Variants in SYNE1 observed in about 807,000 individuals in gnomAD.
SYNE1 encodes nesprin-1.
In SYNE1, 616 loss-of-function variants were observed where a neutral mutation model predicts 1,111.0. The ratio of observed to expected loss-of-function variants is 0.55; its 90% CI spans 0.52 to 0.59. SYNE1 has a LOEUF of 0.59. Ranked by LOEUF, SYNE1 falls within the 20% of genes least tolerant of loss-of-function variation. SYNE1 has a pLI of 0.00. For missense variants in SYNE1, 10,006 were observed against 10,417.0 expected, an observed-to-expected ratio of 0.96 and a Z score of 1.72; for synonymous variants, 3,855 against 3,825.8, an observed-to-expected ratio of 1.01 and a Z score of -0.28.
chr6:152,355,504 G>A (rs2096821542), intron 66 of SYNE1, among the ~76,000 whole-genome samples: 1 of 152,142 alleles, frequency 6.6e-6, no homozygotes, highest in Non-Finnish European at 1.5e-5. Flanking sequence ...ACAAACTTGG[G>A]AAATTGGTTC....
At chr6:152,400,766 C>T (rs564797552) in intron 47 of SYNE1, among the ~76,000 whole-genome samples, 1 of 151,998 alleles carries the variant, frequency 6.6e-6, no homozygotes, top group Admixed American at 6.5e-5. Flanking sequence ...TCACAGTGAC[C>T]AATAAATATA....
intron 74 of SYNE1, 59 bp from the exon 75 acceptor site, chr6:152,339,425 T>C: frequency 2.5e-6 from 4 of 1,599,382 alleles, no homozygotes; most frequent in Non-Finnish European, 1.7e-6. Flanking sequence ...TAGCAAATAC[T>C]TGTATCATTT....
intron 3 of SYNE1, among the ~76,000 whole-genome samples, chr6:152,541,084 T>C (rs78328250): frequency 0.022 from 3,389 of 152,302 alleles, 151 homozygotes; most frequent in African/African-American, 0.077. Context: ...TACTTTGCTA[T>C]GTAACAAGAG....
At chr6:152,169,123 A>T (rs1444243882) in intron 130 of SYNE1, among the ~76,000 whole-genome samples, 1 of 152,072 alleles carries the variant, frequency 6.6e-6, no homozygotes, top group Admixed American at 6.5e-5. Flanking sequence ...ACAAATAAAT[A>T]ATAAATATTA....
At chr6:152,306,313 C>T (rs2095370981) in intron 91 of SYNE1, among the ~76,000 whole-genome samples, 1 of 151,890 alleles carries the variant, frequency 6.6e-6, no homozygotes. Context: ...TGGTGAAACC[C>T]CGTCTCTACT....
At chr6:152,480,447 G>T (rs565902343) in intron 14 of SYNE1, among the ~76,000 whole-genome samples, 2 of 152,154 alleles carry the variant, frequency 1.3e-5, no homozygotes, top group African/African-American at 4.8e-5. Context: ...CTTGAACCTG[G>T]GAAGAAGAGG....
intron 3 of SYNE1, among the ~76,000 whole-genome samples, chr6:152,585,051 T>C (rs2099533185): frequency 6.6e-6 from 1 of 152,122 alleles, no homozygotes. Flanking sequence ...AATTTAATCA[T>C]AGGGGTGGTT....
intron 42 of SYNE1, among the ~76,000 whole-genome samples, chr6:152,413,012 C>T (rs2098091258): frequency 1.3e-5 from 2 of 151,962 alleles, no homozygotes; most frequent in South Asian, 2.1e-4. Context: ...CTACCACACT[C>T]GGCAAATTTT....
At chr6:152,621,906 G>T (rs948671669) in intron 3 of SYNE1, among the ~76,000 whole-genome samples, 2 of 152,058 alleles carry the variant, frequency 1.3e-5, no homozygotes, top group South Asian at 2.1e-4. Flanking sequence ...AAAACCACTC[G>T]ATTAAAACAA....
At chr6:152,514,399 G>T (rs1006898777) in intron 6 of SYNE1, among the ~76,000 whole-genome samples, 2 of 152,142 alleles carry the variant, frequency 1.3e-5, no homozygotes, top group South Asian at 2.1e-4. Context: ...AGCTCTGCAT[G>T]TTCTCACTCA....
chr6:152,176,603 T>G, intron 129 of SYNE1, 43 bp from the exon 130 acceptor site: 1 of 1,583,818 alleles, frequency 6.3e-7, no homozygotes, highest in South Asian at 1.1e-5. Context: ...AAGCATATTC[T>G]TAATACATCC....
rs529283992 is a variant in SYNE1, at chr6:152,314,884, T to C, written c.16710+1965A>G. 6.9e-4 allele frequency among the ~76,000 whole-genome samples: 98 copies of C among 142,584 alleles called. 3 individuals are homozygous for C. In the East Asian group the frequency reaches 0.021, roughly 31 times the overall value. 93.5% of individuals were successfully genotyped at this position (142,584 alleles called of 152,430 possible). On this transcript the variant is annotated intron_variant, in intron 87 of 145. Coordinates refer to ENST00000367255, the MANE Select transcript of SYNE1 (RefSeq NM_182961.4). ...AAGATTCACTTGAACCTGCCCAGGC[T>C]GTAGCTCAGTGGCGTGATCTCGGCT... is the stretch of plus-strand genomic sequence containing the variant.
At chr6:152,347,004 G>T (rs2096649143) in intron 73 of SYNE1, 55 bp downstream of exon 73, 4 of 1,601,746 alleles carry the variant, frequency 2.5e-6, no homozygotes, top group Non-Finnish European at 3.4e-6. Context: ...TCTCTAGACT[G>T]CACAGCCTCT....
intron 100 of SYNE1, among the ~76,000 whole-genome samples, chr6:152,265,193 A>T (rs1435037309): frequency 1.3e-5 from 2 of 148,390 alleles, no homozygotes; most frequent in Non-Finnish European, 3.0e-5. Flanking sequence ...GCAACGCAGC[A>T]AGACTCTGTC....
chr6:152,164,650 C>G (rs1443343346), intron 130 of SYNE1, among the ~76,000 whole-genome samples: 1 of 152,168 alleles, frequency 6.6e-6, no homozygotes, highest in Middle Eastern at 3.2e-3. Context: ...TCCATTACTA[C>G]CTACTTACAG....
intron 11 of SYNE1, 67 bp downstream of exon 11, chr6:152,498,675 G>T: frequency 9.0e-7 from 1 of 1,116,324 alleles, no homozygotes; most frequent in Non-Finnish European, 1.3e-6. Flanking sequence ...GCAAGGGAAT[G>T]ACTAAAATGC....
At chr6:152,593,912 A>G (rs1004318976) in intron 3 of SYNE1, among the ~76,000 whole-genome samples, 1 of 152,188 alleles carries the variant, frequency 6.6e-6, no homozygotes, top group Non-Finnish European at 1.5e-5. Context: ...CACAAACAAG[A>G]GCTCTTTAAT....
At chr6:152,415,722 G>A (rs1470571964) in intron 41 of SYNE1, among the ~76,000 whole-genome samples, 1 of 142,256 alleles carries the variant, frequency 7.0e-6, no homozygotes, top group Non-Finnish European at 1.5e-5. Context: ...CTGACTTTAG[G>A]GAAATCCAAA....
chr6:152,122,698 A>G (rs1174843998), intron 145 of SYNE1, 22 bp from the exon 146 acceptor site: 2 of 1,613,524 alleles, frequency 1.2e-6, no homozygotes, highest in African/African-American at 1.3e-5. Flanking sequence ...ATGGACATAA[A>G]TTACTCAGAT....
Sources: allele counts gnomAD v4.1 joint callset (sites outside exome capture counted in the v4.1 genomes callset), GRCh38; gene constraint gnomAD v4.1.1; transcripts MANE v1.5; gene names NCBI Gene and HGNC (gene_info 2026-07-23, HGNC 2026-07-21).